Variants in UBE2F observed in about 807,000 individuals in gnomAD.
UBE2F encodes the protein NEDD8-conjugating enzyme UBE2F.
A neutral mutation model predicts 29.6 loss-of-function variants in UBE2F; 5 were observed. That is an observed-to-expected ratio of 0.17 (90% confidence interval 0.09 to 0.36). The LOEUF is 0.36. UBE2F is among the 10% of genes least tolerant of loss of function. The pLI is 1.00. For missense variants in UBE2F, 141 were observed against 228.5 expected, an observed-to-expected ratio of 0.62 and a Z score of 2.47; for synonymous variants, 66 against 81.8, an observed-to-expected ratio of 0.81 and a Z score of 1.04.
chr2:238,016,777 G>A, intron 5 of UBE2F, 144 bp downstream of exon 5: 1 of 660,144 alleles, frequency 1.5e-6, no homozygotes, highest in East Asian at 2.6e-5. Flanking sequence ...TTTTTGTGAT[G>A]AATGTCACTC....
chr2:238,041,136 C>A, intron 9 of UBE2F, 152 bp from the exon 10 acceptor site: 1 of 701,588 alleles, frequency 1.4e-6, no homozygotes, highest in Non-Finnish European at 2.5e-6. Flanking sequence ...CGAAATGGCA[C>A]TCAGACTCCG....
chr2:238,037,876 T>TTCAG (rs1425769156), intron 9 of UBE2F, among the ~76,000 whole-genome samples: 25 of 152,166 alleles, frequency 1.6e-4, no homozygotes, highest in African/African-American at 5.8e-4. Context: ...CCCAAAGTGA[T>TTCAG]TACTGCACCC....
intron 1 of UBE2F, among the ~76,000 whole-genome samples, chr2:237,972,802 C>G (rs1320532426): frequency 6.6e-6 from 1 of 152,120 alleles, no homozygotes. Flanking sequence ...ATCCTCCTAC[C>G]TTGGCCTCCC....
intron 4 of UBE2F, among the ~76,000 whole-genome samples, chr2:237,995,976 A>G (rs2063683611): frequency 6.6e-6 from 1 of 152,170 alleles, no homozygotes; most frequent in African/African-American, 2.4e-5. Context: ...ATAGAACACC[A>G]TCATTAGAAA....
intron 2 of UBE2F, among the ~76,000 whole-genome samples, chr2:237,983,092 C>T (rs911038430): frequency 2.0e-5 from 3 of 152,230 alleles, no homozygotes; most frequent in Admixed American, 6.5e-5. Context: ...GCCTTAGCCT[C>T]CCAAAGTGCT....
At chr2:237,975,133 T>G (rs1049685281) in intron 2 of UBE2F, among the ~76,000 whole-genome samples, 1 of 151,740 alleles carries the variant, frequency 6.6e-6, no homozygotes, top group African/African-American at 2.4e-5. Flanking sequence ...GACAGACTCT[T>G]ACTCTATCAC....
chr2:237,995,327 T>A (rs965722784), intron 4 of UBE2F, among the ~76,000 whole-genome samples: 5 of 152,206 alleles, frequency 3.3e-5, no homozygotes. Context: ...CGGATAAGTG[T>A]CTAATCCCTA....
At chr2:237,988,223 G>A (rs1352000679) in intron 3 of UBE2F, among the ~76,000 whole-genome samples, 2 of 152,132 alleles carry the variant, frequency 1.3e-5, no homozygotes, top group South Asian at 2.1e-4. Context: ...AGAGGCAGCT[G>A]GATCATTTGA....
intron 5 of UBE2F, among the ~76,000 whole-genome samples, chr2:238,025,096 G>T (rs538813537): frequency 2.6e-5 from 4 of 152,286 alleles, no homozygotes; most frequent in African/African-American, 9.6e-5. Context: ...TTGTAGAGAG[G>T]TGCTCAGAAG....
intron 2 of UBE2F, among the ~76,000 whole-genome samples, chr2:237,984,696 A>G (rs1191715204): frequency 6.6e-6 from 1 of 152,182 alleles, no homozygotes; most frequent in Non-Finnish European, 1.5e-5. Context: ...ACCCTTCCCC[A>G]TGCCCTGCTA....
intron 5 of UBE2F, among the ~76,000 whole-genome samples, chr2:238,018,659 G>A (rs6431572): frequency 0.86 from 130,725 of 152,206 alleles, 56,294 homozygotes; most frequent in East Asian, 0.97. Context: ...ACCAGCTCCC[G>A]GGTTCAAGCA....
At chr2:237,971,804 G>C (rs1036159516) in intron 1 of UBE2F, among the ~76,000 whole-genome samples, 1 of 140,608 alleles carries the variant, frequency 7.1e-6, no homozygotes, top group Admixed American at 7.1e-5. Context: ...ATGTGTTAAT[G>C]TGGGTTCATT....
Position 237,994,813 on chromosome 2 carries a change from A to G in UBE2F, c.214+4A>G, listed in dbSNP as rs944517006. On this transcript the variant is annotated splice_donor_region_variant and intron_variant, in intron 4 of 9. Transcript: ENST00000272930. Reference sequence around the variant, plus strand: ...TTTCAGCTAACAGTAACCCCAGGTAATATTCTTACATAAGTATTAAAGTGA... The same window carrying G: ...TTTCAGCTAACAGTAACCCCAGGTAGTATTCTTACATAAGTATTAAAGTGA... 6.2e-7 allele frequency: 1 copy of G among 1,611,780 alleles called. No homozygotes were observed. Among genetic ancestry groups the G allele is most frequent in the African/African-American group, 1.3e-5 (1 of 75,014 alleles).
chr2:237,967,061 T>C lies in UBE2F; in HGVS notation c.-88T>C. The C allele has an allele frequency of 7.6e-7, 1 of 1,317,648 alleles. No homozygotes were observed. The highest frequency in any genetic ancestry group is 9.7e-7 in the Non-Finnish European group (1 of 1,033,270). 81.6% of individuals were successfully genotyped at this position (1,317,648 alleles called of 1,614,324 possible). ...GCCGGTGCGGCTGTGAGGGGCCGCG[T>C]CTCGCAGCAGCCGCCCGGACCGGGC... On this transcript the variant is annotated 5_prime_UTR_variant, in exon 1 of 10. Transcript: ENST00000272930. The surrounding 1 kb of genome is among the most constrained non-coding windows in gnomAD (Gnocchi z 6.3).
intron 4 of UBE2F, among the ~76,000 whole-genome samples, chr2:238,012,926 A>C (rs959974689): frequency 6.6e-6 from 1 of 152,190 alleles, no homozygotes; most frequent in Non-Finnish European, 1.5e-5. Context: ...TGAACCCAAG[A>C]CACTCCAGCG....
At chr2:238,001,416 G>T (rs1247501990) in intron 4 of UBE2F, among the ~76,000 whole-genome samples, 1 of 151,894 alleles carries the variant, frequency 6.6e-6, no homozygotes, top group African/African-American at 2.4e-5. Flanking sequence ...TTTTTAAAGG[G>T]TTTTTATTGA....
intron 1 of UBE2F, among the ~76,000 whole-genome samples, chr2:237,971,017 C>G (rs1413061168): frequency 6.6e-6 from 1 of 152,202 alleles, no homozygotes; most frequent in Admixed American, 6.5e-5. Flanking sequence ...CTGGCCTGTA[C>G]TGTTTTCATG....
At chr2:237,984,209 G>C (rs1036394711) in intron 2 of UBE2F, among the ~76,000 whole-genome samples, 1 of 152,088 alleles carries the variant, frequency 6.6e-6, no homozygotes. Flanking sequence ...CATTCTGTTT[G>C]CTCTGAAGCC....
intron 5 of UBE2F, among the ~76,000 whole-genome samples, chr2:238,020,280 C>T (rs999855522): frequency 6.6e-6 from 1 of 152,138 alleles, no homozygotes. Flanking sequence ...AGTGGTTGCC[C>T]CTCTCTCTGC....
Sources: allele counts gnomAD v4.1 joint callset (sites outside exome capture counted in the v4.1 genomes callset), GRCh38; gene constraint gnomAD v4.1.1; non-coding constraint Gnocchi (gnomAD v3.1); transcripts MANE v1.5; gene names NCBI Gene and HGNC (gene_info 2026-07-23, HGNC 2026-07-21).